Variants in ALKAL1 observed in about 807,000 individuals in gnomAD.
ALKAL1 encodes AUG-beta.
In ALKAL1, 23 loss-of-function variants were observed where a neutral mutation model predicts 13.5. The ratio of observed to expected loss-of-function variants is 1.70; its 90% CI spans 1.23 to 2.41. The LOEUF is 2.41. Among genes scored for constraint, ALKAL1 ranks in the 30% most tolerant of loss-of-function variants. The pLI, the probability that ALKAL1 is intolerant of heterozygous loss-of-function variation, is 0.00. For synonymous variants in ALKAL1, 85 were observed against 77.7 expected, an observed-to-expected ratio of 1.09 and a Z score of -0.49; for missense variants, 181 against 178.4, an observed-to-expected ratio of 1.01 and a Z score of -0.08.
At chr8:52,539,726 C>G in intron 3 of ALKAL1, 105 bp downstream of exon 3, 1 of 798,196 alleles carries the variant, frequency 1.3e-6, no homozygotes. Flanking sequence ...AATAGAATCT[C>G]AATGTTTAGT....
rs1177046101 is a variant in ALKAL1, at chr8:52,534,063, G to A, written c.*550C>T. 6.6e-6 allele frequency: 1 copy of A among 151,974 alleles called. No individual in the cohort carries two copies. Among genetic ancestry groups the A allele is most frequent in the South Asian group, 2.1e-4 (1 of 4,788 alleles). 9.4% of individuals were successfully genotyped at this position (151,974 alleles called of 1,614,324 possible). ...CTATTACAAACATCTTTAATTCAAA[G>A]GAAACAACACATTTTTTCATATTTC... On this transcript the variant is annotated 3_prime_UTR_variant, in exon 5 of 5. Coordinates refer to ENST00000358543, the MANE Select transcript of ALKAL1 (RefSeq NM_207413.4).
chr8:52,558,154 A>G (rs1431407073), intron 1 of ALKAL1, among the ~76,000 whole-genome samples: 1 of 150,386 alleles, frequency 6.6e-6, no homozygotes, highest in Non-Finnish European at 1.5e-5. Flanking sequence ...ACACGTATAT[A>G]TACACACGTA....
chr8:52,557,805 C>T (rs573648734), intron 1 of ALKAL1, among the ~76,000 whole-genome samples: 4 of 151,866 alleles, frequency 2.6e-5, no homozygotes, highest in Admixed American at 6.6e-5. Context: ...GGCAATGTAG[C>T]GAAACCCATC....
chr8:52,548,067 C>G (rs917480604), intron 1 of ALKAL1, among the ~76,000 whole-genome samples: 1 of 152,108 alleles, frequency 6.6e-6, no homozygotes, highest in Non-Finnish European at 1.5e-5. Context: ...TGTAACTTTA[C>G]GCCGGGTGCA....
intron 1 of ALKAL1, among the ~76,000 whole-genome samples, chr8:52,561,126 C>A (rs914384943): frequency 6.6e-5 from 10 of 151,928 alleles, no homozygotes; most frequent in African/African-American, 2.4e-4. Context: ...TGCAAAGCAG[C>A]AAAAATTTTT....
intron 1 of ALKAL1, among the ~76,000 whole-genome samples, chr8:52,561,533 G>A (rs1590871407): frequency 1.3e-5 from 2 of 152,292 alleles, no homozygotes; most frequent in South Asian, 2.1e-4. Context: ...TGGCACAGAG[G>A]CACTTACAGT....
chr8:52,558,962 G>C (rs1178558267), intron 1 of ALKAL1, among the ~76,000 whole-genome samples: 1 of 152,130 alleles, frequency 6.6e-6, no homozygotes, highest in East Asian at 1.9e-4. Context: ...AAAGTGAAGG[G>C]GAGCCGCTGT....
At chr8:52,542,001 GCA>G (rs1407129684) in intron 2 of ALKAL1, among the ~76,000 whole-genome samples, 1 of 152,022 alleles carries the variant, frequency 6.6e-6, no homozygotes, top group Non-Finnish European at 1.5e-5. Flanking sequence ...CACAGTCTGT[GCA>G]CACCTGTCCT....
chr8:52,544,434 A>G (rs1055810111), intron 1 of ALKAL1, among the ~76,000 whole-genome samples: 1 of 152,212 alleles, frequency 6.6e-6, no homozygotes, highest in African/African-American at 2.4e-5. Context: ...GGAAATGTCC[A>G]GAGCTGCTGA....
chr8:52,561,782 A>G lies in ALKAL1; in HGVS notation c.190+3285T>C, dbSNP rs377473791. On this transcript the variant is annotated intron_variant, in intron 1 of 4. Transcript: ENST00000358543. ...TTAAGCTCCATGTCAGTGAGGTTTT[A>G]TATTAAAACAGCAACAGCAAGCACA... Among the ~76,000 whole-genome samples the G allele has an allele frequency of 5.9e-5, 9 of 152,326 alleles. No homozygotes were observed. The East Asian group carries it at 1.5e-3, about 26-fold the overall frequency.
chr8:52,564,399 A>C (rs922575586), intron 1 of ALKAL1, among the ~76,000 whole-genome samples: 2 of 152,008 alleles, frequency 1.3e-5, no homozygotes, highest in Non-Finnish European at 2.9e-5. Flanking sequence ...CCCCGTATTC[A>C]CACGACTTCT....
intron 1 of ALKAL1, among the ~76,000 whole-genome samples, chr8:52,551,055 C>T (rs553218024): frequency 6.1e-4 from 93 of 152,288 alleles, no homozygotes; most frequent in Non-Finnish European, 1.1e-3. Context: ...ATTATTTTCA[C>T]AATAATTTGC....
At chr8:52,546,943 G>A (rs530506003) in intron 1 of ALKAL1, among the ~76,000 whole-genome samples, 3 of 152,138 alleles carry the variant, frequency 2.0e-5, no homozygotes, top group Admixed American at 2.0e-4. Context: ...AAGAAAGTTT[G>A]CCAATGCCTG....
At chr8:52,541,718 C>T (rs1048428841) in intron 2 of ALKAL1, among the ~76,000 whole-genome samples, 3 of 151,890 alleles carry the variant, frequency 2.0e-5, no homozygotes, top group Admixed American at 6.6e-5. Context: ...ATCGTGCCAC[C>T]GCGCTCCAGC....
chr8:52,540,068 G>T (rs570947270), intron 2 of ALKAL1, among the ~76,000 whole-genome samples, 157 bp from the exon 3 acceptor site: 1 of 152,302 alleles, frequency 6.6e-6, no homozygotes, highest in African/African-American at 2.4e-5. Context: ...CCCAGGCTCT[G>T]TGGGAGGTAG....
At chr8:52,555,326 T>C (rs1017101400) in intron 1 of ALKAL1, among the ~76,000 whole-genome samples, 6 of 152,112 alleles carry the variant, frequency 3.9e-5, no homozygotes, top group Admixed American at 3.9e-4. Flanking sequence ...GTATTAACCA[T>C]GCATTTTTAT....
chr8:52,539,225 G>C (rs893882822), intron 3 of ALKAL1, among the ~76,000 whole-genome samples: 2 of 152,132 alleles, frequency 1.3e-5, no homozygotes, highest in Admixed American at 1.3e-4. Flanking sequence ...TTCTTTAAAA[G>C]GAAAGTTGAG....
At chr8:52,561,675 G>C (rs1847551836) in intron 1 of ALKAL1, among the ~76,000 whole-genome samples, 1 of 152,144 alleles carries the variant, frequency 6.6e-6, no homozygotes, top group Admixed American at 6.5e-5. Flanking sequence ...ACCAGGAAGA[G>C]ACCAGCCCCA....
chr8:52,537,808 T>G lies in ALKAL1; in HGVS notation c.*12+623A>C, dbSNP rs112188098. Among the ~76,000 whole-genome samples, 451 of 150,934 alleles carry G rather than the reference T, an allele frequency of 3.0e-3. 1 individual carries two copies. Among genetic ancestry groups the G allele is most frequent in the East Asian group, 0.021 (106 of 5,136 alleles). ...GAGTAGAATGTTGGGTATTAGAAACTAAAGAGGGCCAGGCACGGTGGCTCA... is the reference window on the plus strand; with the variant it reads ...GAGTAGAATGTTGGGTATTAGAAACGAAAGAGGGCCAGGCACGGTGGCTCA... On this transcript the variant is annotated intron_variant, in intron 4 of 4. Transcript: ENST00000358543.
Sources: gnomAD v4.1 joint callset for allele counts (sites outside exome capture counted in the v4.1 genomes callset) on GRCh38, gnomAD v4.1.1 for gene constraint, MANE v1.5 for transcripts, NCBI Gene and HGNC (gene_info 2026-07-23, HGNC 2026-07-21) for gene names.